Variants in EYS observed in about 807,000 individuals in gnomAD.
EYS encodes EGF-like photoreceptor maintenance factor.
EYS carries 250 observed loss-of-function variants against 282.1 expected under a neutral mutation model. The observed-to-expected ratio is 0.89, with a 90% CI of 0.80 to 0.98. The LOEUF (loss-of-function observed/expected upper bound fraction) is 0.98, where lower values mean the gene tolerates loss of function less well. Ranked by LOEUF, EYS falls within the 50% of genes least tolerant of loss-of-function variation. EYS has a pLI of 0.00. For missense variants in EYS, 4,016 were observed against 3,709.0 expected (o/e 1.08, Z -2.15); for synonymous variants, 1,355 against 1,282.9 (o/e 1.06, Z -1.20).
At chr6:65,668,015 T>C (rs1434094280) in intron 1 of EYS, among the ~76,000 whole-genome samples, 3 of 151,882 alleles carry the variant, frequency 2.0e-5, no homozygotes, top group African/African-American at 4.8e-5. Context: ...AAATGCACCA[T>C]TGAAGTAGTA....
intron 14 of EYS, among the ~76,000 whole-genome samples, chr6:64,976,828 A>AT (rs148230642): frequency 0.04 from 6,041 of 149,990 alleles, 383 homozygotes; most frequent in African/African-American, 0.14. Flanking sequence ...AAATATTGAG[A>AT]TTTTTTTTTT....
Position 65,353,546 on chromosome 6 carries a change from G to A in EYS, c.1371C>T (p.His457=). Residue 457 remains histidine, a synonymous_variant, in exon 9 of 43, where the codon CAC becomes CAT. Coordinates refer to ENST00000503581, the MANE Select transcript of EYS (RefSeq NM_001142800.2). ...GGAAGGTGACTCCACAGTAGCAGAG[G>A]TGTTGATGAATTAGGTAAACATTCT... is the stretch of plus-strand genomic sequence containing the variant. ...FLKNVYLIHQ[H]LCYCGVTFHG... 6.2e-7 allele frequency: 1 copy of A among 1,613,048 alleles called. No homozygotes were observed. Among genetic ancestry groups the A allele is most frequent in the Non-Finnish European group, 8.5e-7 (1 of 1,179,332 alleles).
At chr6:64,409,670 C>T (rs1773824029) in intron 28 of EYS, among the ~76,000 whole-genome samples, 1 of 152,088 alleles carries the variant, frequency 6.6e-6, no homozygotes, top group Non-Finnish European at 1.5e-5. Flanking sequence ...ATTTTGGGCG[C>T]ATTGGCTTGT....
At position 65,442,386 on chromosome 6, in the gene EYS, A is replaced by C. The variant is rs541336376; in HGVS notation, c.863-37019T>G. Among the ~76,000 whole-genome samples, 172 of 152,204 alleles carry C rather than the reference A, an allele frequency of 1.1e-3. 1 individual carries two copies. The highest frequency in any genetic ancestry group is 3.6e-3 in the African/African-American group (148 of 41,554). ...GCATTCTAAAGTTTAAGAACTTAGA[A>C]ATTTTATTATTTATTTTATGGTAAG... On this transcript the variant is annotated intron_variant, in intron 5 of 42. Transcript: ENST00000503581.
intron 22 of EYS, among the ~76,000 whole-genome samples, chr6:64,772,357 T>G (rs1360930961): frequency 6.6e-6 from 1 of 151,732 alleles, no homozygotes; most frequent in Non-Finnish European, 1.5e-5. Context: ...TGTATCAGCT[T>G]TTCTTTTGAA....
Position 65,518,749 on chromosome 6 carries a change from T to A in EYS, c.-332-22756A>T, listed in dbSNP as rs377423578. ...TATAAAGGAAAGAGGTTTAATGGAC[T>A]CACAGTTCTGCAGGGCTGGGGAGGC... On this transcript the variant is annotated intron_variant, in intron 2 of 42. Coordinates refer to ENST00000503581, the MANE Select transcript of EYS (RefSeq NM_001142800.2). 1.6e-4 allele frequency among the ~76,000 whole-genome samples: 24 copies of A among 152,252 alleles called. No homozygotes were observed. The South Asian group carries it at 4.8e-3, about 30-fold the overall frequency.
chr6:63,791,070 C>G (rs1770497623), intron 37 of EYS, among the ~76,000 whole-genome samples: 1 of 151,984 alleles, frequency 6.6e-6, no homozygotes, highest in South Asian at 2.1e-4. Context: ...AGAATAGAAA[C>G]AAATGGGGGC....
intron 35 of EYS, among the ~76,000 whole-genome samples, chr6:63,877,085 A>C (rs1229243294): frequency 2.0e-5 from 3 of 152,146 alleles, no homozygotes; most frequent in Non-Finnish European, 4.4e-5. Context: ...ACAATTTGGC[A>C]TGATTTTGCA....
intron 1 of EYS, among the ~76,000 whole-genome samples, chr6:65,660,260 T>G (rs879620271): frequency 2.0e-5 from 3 of 151,796 alleles, no homozygotes; most frequent in Non-Finnish European, 4.4e-5. Flanking sequence ...GATCCCCTGT[T>G]TTAAGTATGA....
chr6:63,897,753 C>T (rs966619347), intron 35 of EYS, among the ~76,000 whole-genome samples: 5 of 152,108 alleles, frequency 3.3e-5, no homozygotes, highest in Non-Finnish European at 5.9e-5. Flanking sequence ...GGTAAAAAGA[C>T]AAATAGAAAA....
rs1764758521 is a variant in EYS at position 65,459,938 on chromosome 6, GGTGCGT to G, written c.862+30650_862+30655del. Among the ~76,000 whole-genome samples the G allele has an allele frequency of 7.5e-5, 8 of 107,322 alleles. No homozygotes were observed. The South Asian group carries it at 2.4e-3, about 32-fold the overall frequency. 70.4% of individuals were successfully genotyped at this position (107,322 alleles called of 152,430 possible). A position where few individuals can be genotyped will look rare whatever the true frequency, so the allele number is the denominator to read the frequency against. ...TTTCTTATTTTTCCATACTTTTTCT[GGTGCGT>G]GTGTGTGTGTGTGTTTGTGTATTTT... On this transcript the variant is annotated intron_variant, in intron 5 of 42. Coordinates refer to ENST00000503581, the MANE Select transcript of EYS (RefSeq NM_001142800.2).
At chr6:64,322,565 A>G (rs1204274332) in intron 29 of EYS, among the ~76,000 whole-genome samples, 3 of 151,954 alleles carry the variant, frequency 2.0e-5, no homozygotes, top group Non-Finnish European at 4.4e-5. Flanking sequence ...ATTTCCTCTT[A>G]TATTTTGAAT....
intron 22 of EYS, among the ~76,000 whole-genome samples, chr6:64,754,639 A>C (rs970956651): frequency 6.6e-6 from 1 of 152,170 alleles, no homozygotes; most frequent in Non-Finnish European, 1.5e-5. Flanking sequence ...ATACACCAAA[A>C]TTAAGTAGGT....
intron 22 of EYS, among the ~76,000 whole-genome samples, chr6:64,661,241 A>T (rs1425761913): frequency 6.6e-6 from 1 of 152,182 alleles, no homozygotes; most frequent in African/African-American, 2.4e-5. Context: ...TTAATTCAAG[A>T]TGGATTAGAG....
rs1391804652 is a variant in EYS, at chr6:64,766,648, AAATATATATATATATATAT to A, written c.3443+46711_3443+46729del. Among the ~76,000 whole-genome samples the A allele has an allele frequency of 1.5e-3, 96 of 64,604 alleles. 4 individuals are homozygous for A. Among genetic ancestry groups the A allele is most frequent in the African/African-American group, 7.2e-3 (93 of 12,842 alleles). The allele number at this position is 64,604 out of a possible 152,430, so 42.4% of individuals were successfully genotyped here. ...CTCCGTCTCAAAAAAAAAAAAAAAA[AAATATATATATATATATAT>A]ATATATATATATATATAAAATCTAA... On this transcript the variant is annotated intron_variant, in intron 22 of 42. Transcript: ENST00000503581.
At position 65,277,974 on chromosome 6, in the gene EYS, G is replaced by C. The variant is rs376492975; in HGVS notation, c.2023+17889C>G. On this transcript the variant is annotated intron_variant, in intron 12 of 42. Coordinates refer to ENST00000503581, the MANE Select transcript of EYS (RefSeq NM_001142800.2). Reference sequence around the variant, plus strand: ...TTTCTATAACACCTGGATAAGGAGGGATTCCTTCTGTCTGACTACCTTTTA... The same window carrying C: ...TTTCTATAACACCTGGATAAGGAGGCATTCCTTCTGTCTGACTACCTTTTA... 3.1e-4 allele frequency among the ~76,000 whole-genome samples: 45 copies of C among 143,508 alleles called. No homozygotes were observed. In the East Asian group the frequency reaches 7.0e-3, roughly 22 times the overall value. The allele number at this position is 143,508 out of a possible 152,430, so 94.1% of individuals were successfully genotyped here.
chr6:64,255,813 G>A (rs943838882), intron 30 of EYS, among the ~76,000 whole-genome samples: 1 of 151,950 alleles, frequency 6.6e-6, no homozygotes, highest in African/African-American at 2.4e-5. Flanking sequence ...TACAGAGATA[G>A]CATGTAGGCC....
At chr6:64,735,842 A>G (rs912244558) in intron 22 of EYS, among the ~76,000 whole-genome samples, 5 of 152,044 alleles carry the variant, frequency 3.3e-5, no homozygotes, top group Admixed American at 2.0e-4. Flanking sequence ...TTCCTATTTC[A>G]TGGAGGATGG....
chr6:64,992,004 A>G (rs1300433952), intron 14 of EYS, among the ~76,000 whole-genome samples: 1 of 151,804 alleles, frequency 6.6e-6, no homozygotes, highest in East Asian at 1.9e-4. Context: ...AGAAGTACAC[A>G]TCAAAATCAC....
Sources: gnomAD v4.1 joint callset for allele counts (sites outside exome capture counted in the v4.1 genomes callset) on GRCh38, gnomAD v4.1.1 for gene constraint, MANE v1.5 for transcripts, NCBI Gene and HGNC (gene_info 2026-07-23, HGNC 2026-07-21) for gene names.